The following PCCA variants were observed in gnomAD, a reference collection of about 807,000 sequenced individuals.
The protein encoded by PCCA is propionyl-CoA carboxylase alpha chain, mitochondrial.
PCCA carries 74 observed loss-of-function variants against 101.3 expected under a neutral mutation model. The observed-to-expected ratio is 0.73, with a 90% CI of 0.61 to 0.89. The LOEUF (loss-of-function observed/expected upper bound fraction) is 0.89. PCCA is among the 40% of genes least tolerant of loss of function. The pLI is 0.00. For missense variants in PCCA, 891 were observed against 907.0 expected, an observed-to-expected ratio of 0.98 and a Z score of 0.23; for synonymous variants, 294 against 313.6, an observed-to-expected ratio of 0.94 and a Z score of 0.66.
At chr13:100,100,346 G>A (rs1032936676) in intron 1 of PCCA, among the ~76,000 whole-genome samples, 4 of 152,150 alleles carry the variant, frequency 2.6e-5, no homozygotes, top group Non-Finnish European at 5.9e-5. Flanking sequence ...TTACTGGGGA[G>A]TCATTTTGCA....
intron 4 of PCCA, chr13:100,154,634 C>T: frequency 3.0e-6 from 1 of 330,988 alleles, no homozygotes; most frequent in South Asian, 2.5e-5. Context: ...AAATATTGGG[C>T]TACCCTGGCT....
At chr13:100,109,618 A>G (rs1594128663) in intron 2 of PCCA, among the ~76,000 whole-genome samples, 1 of 152,204 alleles carries the variant, frequency 6.6e-6, no homozygotes, top group African/African-American at 2.4e-5. Context: ...TACCATGACC[A>G]TTTAAATACA....
intron 19 of PCCA, among the ~76,000 whole-genome samples, chr13:100,395,608 A>T (rs2077006395): frequency 6.6e-6 from 1 of 152,226 alleles, no homozygotes; most frequent in African/African-American, 2.4e-5. Flanking sequence ...GGTGTGGCTC[A>T]GGAATATTTT....
rs541246636 is a variant in PCCA at position 100,493,047 on chromosome 13, G to C, written c.1900-22380G>C. 3.9e-5 allele frequency among the ~76,000 whole-genome samples: 6 copies of C among 152,240 alleles called. No individual in the cohort carries two copies. In the South Asian group the frequency reaches 1.2e-3, roughly 32 times the overall value. ...TACAGGGCTGTCACCCTTATTCTCCGCTGAGCTGTTTTAACACGTAGCCAT... is the reference window on the plus strand; with the variant it reads ...TACAGGGCTGTCACCCTTATTCTCCCCTGAGCTGTTTTAACACGTAGCCAT... On this transcript the variant is annotated intron_variant, in intron 21 of 23. Transcript: ENST00000376285.
intron 8 of PCCA, among the ~76,000 whole-genome samples, chr13:100,249,472 G>A (rs574083759): frequency 1.3e-5 from 2 of 152,264 alleles, no homozygotes; most frequent in African/African-American, 4.8e-5. Context: ...CTGTCTTGAT[G>A]TCTGTAGCTT....
intron 20 of PCCA, among the ~76,000 whole-genome samples, chr13:100,426,690 A>C (rs1270390023): frequency 6.6e-6 from 1 of 152,184 alleles, no homozygotes. Context: ...AACTCTTGGT[A>C]ATAAGCCCTA....
intron 16 of PCCA, among the ~76,000 whole-genome samples, chr13:100,313,220 C>G (rs1374476395): frequency 3.3e-5 from 5 of 152,162 alleles, no homozygotes; most frequent in Non-Finnish European, 7.3e-5. Flanking sequence ...GCGCATCACT[C>G]CTGAATACTT....
intron 7 of PCCA, among the ~76,000 whole-genome samples, chr13:100,234,746 G>A (rs927718746): frequency 2.0e-5 from 3 of 151,146 alleles, no homozygotes; most frequent in South Asian, 4.2e-4. Flanking sequence ...CATTTTAAAC[G>A]TATTAGCTTA....
chr13:100,147,990 C>G (rs2052785840), intron 4 of PCCA, among the ~76,000 whole-genome samples: 1 of 151,706 alleles, frequency 6.6e-6, no homozygotes, highest in Non-Finnish European at 1.5e-5. Flanking sequence ...ACTGTGTTGC[C>G]CAGGTTGGAC....
intron 8 of PCCA, among the ~76,000 whole-genome samples, chr13:100,256,775 C>G (rs1189481524): frequency 6.6e-6 from 1 of 152,038 alleles, no homozygotes; most frequent in African/African-American, 2.4e-5. Flanking sequence ...ACAAATGGTC[C>G]CAAACATAGG....
At chr13:100,464,697 A>G (rs898235690) in intron 21 of PCCA, 2 of 152,256 alleles carry the variant, frequency 1.3e-5, no homozygotes, top group Admixed American at 6.5e-5. Flanking sequence ...TAGAAAGCAC[A>G]TACTTAAATG....
Position 100,520,830 on chromosome 13 carries a change from G to A in PCCA, c.2040+5263G>A, listed in dbSNP as rs74744376. On this transcript the variant is annotated intron_variant, in intron 22 of 23. Coordinates refer to ENST00000376285, the MANE Select transcript of PCCA (RefSeq NM_000282.4). The stretch of plus-strand genomic sequence containing the variant: ...GTGGATCAGTATATTAAATATTATA[G>A]GAGAGTCTTCTCCAAGCTTGGCGTT... Among the ~76,000 whole-genome samples, 5 of 152,168 alleles carry A rather than the reference G, an allele frequency of 3.3e-5. No individual in the cohort carries two copies. In the East Asian group the frequency reaches 9.7e-4, roughly 29 times the overall value.
intron 7 of PCCA, among the ~76,000 whole-genome samples, chr13:100,212,811 C>G (rs2059296182): frequency 6.6e-6 from 1 of 151,912 alleles, no homozygotes; most frequent in Non-Finnish European, 1.5e-5. Context: ...AATACTAGAT[C>G]TTACCCATTC....
chr13:100,122,795 G>A lies in PCCA; in HGVS notation c.300+10734G>A, dbSNP rs1002506760. Among the ~76,000 whole-genome samples the A allele has an allele frequency of 7.9e-5, 12 of 152,110 alleles. No homozygotes were observed. The South Asian group carries it at 2.1e-3, about 26-fold the overall frequency. The stretch of plus-strand genomic sequence containing the variant: ...TTTATTTCTCATAGTTCTGGAGGCT[G>A]ATAAGTCAAGATTGAGGCACTGTTA... On this transcript the variant is annotated intron_variant, in intron 4 of 23. Coordinates refer to ENST00000376285, the MANE Select transcript of PCCA (RefSeq NM_000282.4).
chr13:100,486,195 A>G (rs547626748), intron 21 of PCCA, among the ~76,000 whole-genome samples: 191 of 152,312 alleles, frequency 1.3e-3, no homozygotes, highest in African/African-American at 4.3e-3. Flanking sequence ...TAGGTGTTCA[A>G]TGGATCACTG....
At chr13:100,466,984 A>G (rs1357292407) in intron 21 of PCCA, among the ~76,000 whole-genome samples, 1 of 152,158 alleles carries the variant, frequency 6.6e-6, no homozygotes, top group Non-Finnish European at 1.5e-5. Context: ...CCGGGGGACG[A>G]TCGTTGCTTG....
intron 21 of PCCA, among the ~76,000 whole-genome samples, chr13:100,472,621 G>C (rs1406312938): frequency 6.6e-6 from 1 of 152,110 alleles, no homozygotes; most frequent in Non-Finnish European, 1.5e-5. Context: ...CCTTAGTGGG[G>C]CTTCCTCGGG....
At chr13:100,204,812 C>T (rs982646745) in intron 6 of PCCA, among the ~76,000 whole-genome samples, 3 of 152,124 alleles carry the variant, frequency 2.0e-5, no homozygotes, top group Non-Finnish European at 4.4e-5. Context: ...TTTTGTCTTG[C>T]TGTGTTGCCC....
chr13:100,414,706 T>C (rs2078248859), intron 19 of PCCA, among the ~76,000 whole-genome samples: 1 of 152,218 alleles, frequency 6.6e-6, no homozygotes, highest in Non-Finnish European at 1.5e-5. Context: ...CGTTGGATGG[T>C]GGTAATGTCA....
Sources: gnomAD v4.1 joint callset for allele counts (sites outside exome capture counted in the v4.1 genomes callset) on GRCh38, gnomAD v4.1.1 for gene constraint, MANE v1.5 for transcripts, NCBI Gene and HGNC (gene_info 2026-07-23, HGNC 2026-07-21) for gene names.